Variants in CROCC2 observed in about 807,000 individuals in gnomAD.
CROCC2 encodes ciliary rootlet coiled-coil, rootletin family member 2.
A neutral mutation model predicts 177.6 loss-of-function variants in CROCC2; 163 were observed. That is an observed-to-expected ratio of 0.92 (90% CI 0.81 to 1.05). The LOEUF (loss-of-function observed/expected upper bound fraction) is 1.05. Among genes scored for constraint, CROCC2 ranks in the 50% least tolerant of loss-of-function variants. The pLI is 0.00. For missense variants in CROCC2, 1,929 were observed against 1,797.8 expected, an observed-to-expected ratio of 1.07 and a Z score of -1.32; for synonymous variants, 904 against 787.3, an observed-to-expected ratio of 1.15 and a Z score of -2.48.
Position 240,935,446 on chromosome 2 carries a change from A to G in CROCC2, c.2027A>G (p.Glu676Gly). The G allele has an allele frequency of 7.3e-7, 1 of 1,367,674 alleles. No homozygotes were observed. Among genetic ancestry groups the G allele is most frequent in the Non-Finnish European group, 9.5e-7 (1 of 1,055,100 alleles). The allele number at this position is 1,367,674 out of a possible 1,614,324, so 84.7% of individuals were successfully genotyped here. The change falls in exon 14 of 32, where the codon GAG becomes GGG. Residue 676 changes from glutamate to glycine, a missense_variant. Physicochemically the swap from Glu to Gly is moderately conservative, Grantham distance 98 (BLOSUM62 -2). Around this residue, in one of 3 missense-constraint regions of CROCC2, gnomAD observed 1,397 missense variants for 1,239.9 expected, o/e 1.13. Transcript: ENST00000690015. Reference sequence around the variant, plus strand: ...GCCGGGGAGCAGCTGGCACAGGCGGAGCAGCAGCTGGCGCTGGAGCGGGCA... The same window carrying G: ...GCCGGGGAGCAGCTGGCACAGGCGGGGCAGCAGCTGGCGCTGGAGCGGGCA... The part of the protein sequence containing the change: ...ARAGEQLAQA[E>G]QQLALERAER...
intron 1 of CROCC2, among the ~76,000 whole-genome samples, chr2:240,916,038 G>A (rs2059318027): frequency 6.6e-6 from 1 of 152,122 alleles, no homozygotes; most frequent in African/African-American, 2.4e-5. Context: ...CCCACAGGTC[G>A]CGGAGGGGAC....
At position 240,963,496 on chromosome 2, in the gene CROCC2, G is replaced by T. The variant is rs1048694027; in HGVS notation, c.3088-60G>T. 1.8e-5 allele frequency: 26 copies of T among 1,446,534 alleles called. No individual in the cohort carries two copies. The South Asian group carries it at 3.7e-4, about 20-fold the overall frequency. The allele number at this position is 1,446,534 out of a possible 1,614,324, so 89.6% of individuals were successfully genotyped here. A position where few individuals can be genotyped will look rare whatever the true frequency, so the allele number is the denominator to read the frequency against. ...ACCATGTCAGAGGCCACAGGCCCCT[G>T]TGGCTATCCCTGGAGCAGTGGTCCC... On this transcript the variant is annotated intron_variant, in intron 20 of 31. Transcript: ENST00000690015.
chr2:240,969,029 G>C (rs939108290), intron 27 of CROCC2, among the ~76,000 whole-genome samples: 2 of 152,240 alleles, frequency 1.3e-5, no homozygotes, highest in Non-Finnish European at 2.9e-5. Flanking sequence ...AGGGGCCAGA[G>C]AACAGCGTGC....
At chr2:240,986,568 AGCGT>A (rs1362908152) in intron 28 of CROCC2, among the ~76,000 whole-genome samples, 4 of 152,320 alleles carry the variant, frequency 2.6e-5, no homozygotes, top group Admixed American at 2.6e-4. Flanking sequence ...TCCCACCTCC[AGCGT>A]CCTGGGGGAC....
At chr2:240,947,956 G>C (rs4675840) in intron 15 of CROCC2, among the ~76,000 whole-genome samples, 6,918 of 152,208 alleles carry the variant, frequency 0.045, 361 homozygotes, top group East Asian at 0.25. Context: ...CTGGGCACAC[G>C]CTCAGGTCCC....
chr2:240,949,186 ACC>A lies in CROCC2; in HGVS notation c.2482+93_2482+94del. 1 of 1,449,586 alleles carries A rather than the reference ACC, an allele frequency of 6.9e-7. No individual in the cohort carries two copies. The highest frequency in any genetic ancestry group is 9.0e-7 in the Non-Finnish European group (1 of 1,105,710). The allele number at this position is 1,449,586 out of a possible 1,614,324, so 89.8% of individuals were successfully genotyped here. ...GGAGCTCAGTGCCCACACGTGCTGC[ACC>A]CCCTCTCCGGAGCCCACAGGGGCAT... On this transcript the variant is annotated intron_variant, in intron 16 of 31. Transcript: ENST00000690015. This position sits in a 1 kb window ranked among gnomAD's most constrained non-coding sequence, Gnocchi z 4.5.
chr2:240,967,982 G>A (rs2059694713), intron 26 of CROCC2, 147 bp from the exon 27 acceptor site: 12 of 796,226 alleles, frequency 1.5e-5, no homozygotes, highest in Non-Finnish European at 2.1e-5. Flanking sequence ...CCGGGACCCT[G>A]GGGCAGCCCC....
At chr2:240,988,661 T>TCG in intron 28 of CROCC2, 78 bp from the exon 29 acceptor site, 1 of 1,280,480 alleles carries the variant, frequency 7.8e-7, no homozygotes, top group Non-Finnish European at 1.0e-6. Context: ...GAGGCAACCC[T>TCG]GTGCTCCCAG....
chr2:240,932,345 G>A lies in CROCC2; in HGVS notation c.975G>A (p.Glu325=), dbSNP rs183212041. The A allele has an allele frequency of 1.8e-4, 128 of 717,040 alleles. No individual in the cohort carries two copies. Among genetic ancestry groups the A allele is most frequent in the Admixed American group, 7.0e-4 (35 of 49,994 alleles). 44.4% of individuals were successfully genotyped at this position (717,040 alleles called of 1,614,324 possible). Residue 325 remains glutamate (E), a synonymous_variant, in exon 8 of 32, where the codon GAG becomes GAA. Coordinates refer to ENST00000690015, the MANE Select transcript of CROCC2 (RefSeq NM_001351305.2). The stretch of plus-strand genomic sequence containing the variant: ...TCTCGGAGCAAACCCTGCTGGTGGA[G>A]AAGCTTACAGAGCAGAATGAGCAGA... The part of the protein sequence containing the change: ...ARLSEQTLLV[E]KLTEQNEQKA...
chr2:240,928,778 G>T (rs560828016), intron 5 of CROCC2, among the ~76,000 whole-genome samples: 1 of 152,142 alleles, frequency 6.6e-6, no homozygotes, highest in Non-Finnish European at 1.5e-5. Flanking sequence ...CCCTCGGAGG[G>T]CGTGCAGACA....
In CROCC2 at chr2:240,949,697, G is replaced by A. The variant is rs2059542464; in HGVS notation, c.2647G>A (p.Glu883Lys). ...AGAGGCCCTGGCACAGCTCCAAAGGGAGAAGGTCTGCTTCCCAGGAGCCCA... is the reference window on the plus strand; with the variant it reads ...AGAGGCCCTGGCACAGCTCCAAAGGAAGAAGGTCTGCTTCCCAGGAGCCCA... ...HREALAQLQR[E>K]KETLSLTLAE... The change falls in exon 17 of 32, where the codon GAG (glutamate) becomes AAG (lysine). Residue 883 changes from glutamate to lysine, a missense_variant. This residue lies in a region of CROCC2 where 1,397 missense variants were observed against 1,239.9 expected (regional missense o/e 1.13). Coordinates refer to ENST00000690015, the MANE Select transcript of CROCC2 (RefSeq NM_001351305.2). The surrounding 1 kb of genome is among the most constrained non-coding windows in gnomAD (Gnocchi z 4.5). 1.9e-6 allele frequency: 3 copies of A among 1,539,458 alleles called. No individual in the cohort carries two copies. In the Admixed American group the frequency reaches 6.0e-5, roughly 31 times the overall value.
intron 27 of CROCC2, among the ~76,000 whole-genome samples, chr2:240,970,297 G>T (rs896012202): frequency 6.6e-6 from 1 of 152,098 alleles, no homozygotes; most frequent in Admixed American, 6.5e-5. Context: ...CTGCTTTTTT[G>T]GTGTTTGTGG....
chr2:240,961,943 GCA>G (rs1488873955), intron 20 of CROCC2, among the ~76,000 whole-genome samples: 2 of 145,628 alleles, frequency 1.4e-5, no homozygotes, highest in East Asian at 4.2e-4. Context: ...ACACATGCAT[GCA>G]CACACACGTA....
At chr2:240,914,730 G>A (rs1343180886) in intron 1 of CROCC2, among the ~76,000 whole-genome samples, 9 of 152,174 alleles carry the variant, frequency 5.9e-5, no homozygotes, top group African/African-American at 1.7e-4. Flanking sequence ...CCCGATGGAC[G>A]TGCTCCCCCT....
intron 15 of CROCC2, among the ~76,000 whole-genome samples, chr2:240,947,255 G>T (rs372817804): frequency 6.6e-6 from 1 of 152,356 alleles, no homozygotes; most frequent in African/African-American, 2.4e-5. Context: ...AGGCTGCTGC[G>T]GGTTGGGCTC....
intron 1 of CROCC2, among the ~76,000 whole-genome samples, chr2:240,911,937 T>C (rs576551889): frequency 7.7e-4 from 117 of 152,310 alleles, no homozygotes; most frequent in African/African-American, 2.4e-3. Context: ...GCTGTGAAAA[T>C]GCTGCTGTGA....
intron 13 of CROCC2, 125 bp downstream of exon 13, chr2:240,935,187 G>A: frequency 8.0e-7 from 1 of 1,251,576 alleles, no homozygotes; most frequent in Non-Finnish European, 1.0e-6. Flanking sequence ...GAGGTTTTGG[G>A]GACAAGGGAG....
intron 27 of CROCC2, among the ~76,000 whole-genome samples, chr2:240,975,924 C>T (rs1358157089): frequency 6.6e-6 from 1 of 151,896 alleles, no homozygotes; most frequent in Non-Finnish European, 1.5e-5. Context: ...AGGACTGGGG[C>T]TTCATTGTGT....
rs1383927906 is a variant in CROCC2, at chr2:240,982,785, A to G, written c.4402-95A>G. ...TTCATCCCAGCGATACGGTCCTGCC[A>G]GACGGTCTAGGCAGATGCCCTGAGG... On this transcript the variant is annotated intron_variant, in intron 27 of 31. Transcript: ENST00000690015. The surrounding 1 kb of genome is among the most constrained non-coding windows in gnomAD (Gnocchi z 4.7). 19 of 1,087,570 alleles carry G rather than the reference A, an allele frequency of 1.7e-5. No individual in the cohort carries two copies. The highest frequency in any genetic ancestry group is 2.3e-5 in the Non-Finnish European group (18 of 767,216). 67.4% of individuals were successfully genotyped at this position (1,087,570 alleles called of 1,614,324 possible).
Sources: gnomAD v4.1 joint callset for allele counts (sites outside exome capture counted in the v4.1 genomes callset) on GRCh38, gnomAD v4.1.1 for gene constraint, gnomAD v4.1.1 regional missense constraint, Gnocchi (gnomAD v3.1) non-coding constraint, MANE v1.5 for transcripts, NCBI Gene and HGNC (gene_info 2026-07-23, HGNC 2026-07-21) for gene names.